RBM19: variants seen among roughly 807,000 people sequenced by gnomAD.
The protein encoded by RBM19 is RNA binding motif protein 19.
A neutral mutation model predicts 116.8 loss-of-function variants in RBM19; 94 were observed. The ratio of observed to expected loss-of-function variants is 0.80; its 90% CI spans 0.68 to 0.95. The LOEUF (loss-of-function observed/expected upper bound fraction) is 0.95, where lower values mean the gene tolerates loss of function less well. RBM19 is among the 40% of genes least tolerant of loss of function. The pLI is 0.00. For missense variants in RBM19, 1,161 were observed against 1,220.7 expected (o/e 0.95, Z 0.73); for synonymous variants, 475 against 494.1 (o/e 0.96, Z 0.51).
intron 18 of RBM19, among the ~76,000 whole-genome samples, chr12:113,923,714 C>T (rs1170706052): frequency 6.6e-6 from 1 of 152,238 alleles, no homozygotes; most frequent in Non-Finnish European, 1.5e-5. Context: ...CTGCCCCCCA[C>T]CCCTCCCAGC....
chr12:113,947,030 G>A (rs1340235319), intron 11 of RBM19, among the ~76,000 whole-genome samples: 1 of 152,178 alleles, frequency 6.6e-6, no homozygotes, highest in Non-Finnish European at 1.5e-5. Context: ...CTCTTCTAAG[G>A]TGGTATCTAT....
At chr12:113,837,017 AC>A (rs1876000487) in intron 23 of RBM19, among the ~76,000 whole-genome samples, 1 of 145,944 alleles carries the variant, frequency 6.9e-6, no homozygotes, top group Non-Finnish European at 1.5e-5. Context: ...ACACACACAC[AC>A]ACACACACAC....
intron 21 of RBM19, among the ~76,000 whole-genome samples, chr12:113,872,538 G>A (rs1437145842): frequency 5.0e-5 from 6 of 119,208 alleles, no homozygotes; most frequent in South Asian, 3.2e-4. Flanking sequence ...TCGGCCCCCC[G>A]CCCGGCCAGC....
chr12:113,956,895 T>C (rs541365324), intron 6 of RBM19, among the ~76,000 whole-genome samples: 4 of 152,276 alleles, frequency 2.6e-5, no homozygotes, highest in African/African-American at 9.6e-5. Flanking sequence ...GCCCTCCAGA[T>C]AGTGATGAGA....
intron 13 of RBM19, among the ~76,000 whole-genome samples, chr12:113,944,830 T>G (rs6489929): frequency 2.7e-5 from 4 of 146,084 alleles, no homozygotes; most frequent in Non-Finnish European, 6.1e-5. Context: ...TGTGTATATA[T>G]GTATATGAAT....
intron 23 of RBM19, among the ~76,000 whole-genome samples, chr12:113,830,590 T>TTG (rs1363160663): frequency 1.1e-4 from 2 of 17,398 alleles, no homozygotes; most frequent in African/African-American, 3.1e-4. Context: ...GGGGGGGGGG[T>TTG]GGGCTATGCC....
At chr12:113,943,199 C>T (rs904038039) in intron 13 of RBM19, among the ~76,000 whole-genome samples, 10 of 152,192 alleles carry the variant, frequency 6.6e-5, no homozygotes, top group Non-Finnish European at 1.2e-4. Flanking sequence ...CCAGGCCTGC[C>T]GCACTGCACC....
At chr12:113,928,661 G>GTGTGTGTGTGTGTGTGTGTGTGTC (rs1555242499) in intron 16 of RBM19, among the ~76,000 whole-genome samples, 2 of 149,514 alleles carry the variant, frequency 1.3e-5, no homozygotes, top group South Asian at 4.4e-4. Flanking sequence ...GTGTGTGTGT[G>GTGTGTGTGTGTGTGTGTGTGTGTC]TCTGCAGCTC....
chr12:113,959,740 C>A, intron 4 of RBM19, 125 bp downstream of exon 4: 1 of 1,203,542 alleles, frequency 8.3e-7, no homozygotes, highest in Non-Finnish European at 1.2e-6. Flanking sequence ...TTCCTAGCCT[C>A]CACCCTCTCC....
intron 7 of RBM19, among the ~76,000 whole-genome samples, chr12:113,953,435 C>T (rs1294439139): frequency 6.6e-6 from 1 of 152,178 alleles, no homozygotes; most frequent in Non-Finnish European, 1.5e-5. Context: ...TTGCAGTGAG[C>T]TGAGATTGCA....
rs1166923092 is a variant in RBM19, at chr12:113,939,969, G to C, written c.1929C>G (p.Ala643=). 1.2e-6 allele frequency: 2 copies of C among 1,613,978 alleles called. No homozygotes were observed. Among genetic ancestry groups the C allele is most frequent in the Admixed American group, 1.7e-5 (1 of 60,026 alleles). ...LEARKAFRHL[A]YSKFHHVPLY... is the part of the protein sequence containing the mutation. ...TCTCCAGCAGCCCTACCTTGGAATA[G>C]GCCAGATGCCTGAAGGCCTTGCGGG... The change falls in exon 15 of 24, where the codon GCC becomes GCG. Residue 643 remains alanine, a synonymous_variant. Transcript: ENST00000261741.
At chr12:113,947,269 C>T in intron 11 of RBM19, 65 bp downstream of exon 11, 2 of 1,524,092 alleles carry the variant, frequency 1.3e-6, no homozygotes, top group Admixed American at 1.9e-5. Context: ...CACACACACA[C>T]ACACCAGCCT....
chr12:113,951,988 G>A (rs1246578616), intron 8 of RBM19, among the ~76,000 whole-genome samples: 3 of 152,216 alleles, frequency 2.0e-5, no homozygotes, highest in Admixed American at 1.3e-4. Context: ...AAGTAGGCAC[G>A]GACAGGTGCC....
At chr12:113,914,907 T>C in intron 21 of RBM19, 62 bp downstream of exon 21, 2 of 1,447,750 alleles carry the variant, frequency 1.4e-6, no homozygotes, top group Non-Finnish European at 1.9e-6. Context: ...CCATCTTCCC[T>C]GAGACTCGGG....
chr12:113,854,692 T>A (rs1237606097), intron 22 of RBM19, among the ~76,000 whole-genome samples: 1 of 152,102 alleles, frequency 6.6e-6, no homozygotes, highest in African/African-American at 2.4e-5. Flanking sequence ...CCAGGGCCCG[T>A]GATGAGGGCA....
chr12:113,912,060 C>T (rs908912644), intron 21 of RBM19, among the ~76,000 whole-genome samples: 1 of 152,218 alleles, frequency 6.6e-6, no homozygotes, highest in Non-Finnish European at 1.5e-5. Flanking sequence ...TGATGCCTGT[C>T]TGGTTTAACC....
chr12:113,935,419 T>C (rs1262147429), intron 16 of RBM19, among the ~76,000 whole-genome samples: 2 of 152,216 alleles, frequency 1.3e-5, no homozygotes, highest in Non-Finnish European at 2.9e-5. Context: ...AAGAGAATTT[T>C]GTTTTGATGG....
intron 21 of RBM19, among the ~76,000 whole-genome samples, chr12:113,899,463 A>T (rs1881542854): frequency 6.6e-6 from 1 of 152,234 alleles, no homozygotes; most frequent in Non-Finnish European, 1.5e-5. Flanking sequence ...TGAGTCCCAG[A>T]GAACTCATCA....
At chr12:113,826,651 T>C (rs1385485665) in intron 23 of RBM19, among the ~76,000 whole-genome samples, 1 of 152,172 alleles carries the variant, frequency 6.6e-6, no homozygotes, top group African/African-American at 2.4e-5. Context: ...AACCAGATAG[T>C]TGTGCCTCAA....
Sources: allele counts gnomAD v4.1 joint callset (sites outside exome capture counted in the v4.1 genomes callset), GRCh38; gene constraint gnomAD v4.1.1; transcripts MANE v1.5; gene names NCBI Gene and HGNC (gene_info 2026-07-23, HGNC 2026-07-21).